UNC13C: variants seen among roughly 807,000 people sequenced by gnomAD.
UNC13C encodes the protein unc-13 homolog C, also known as protein unc-13 homolog C.
In UNC13C, 174 loss-of-function variants were observed where a neutral mutation model predicts 245.4. That is an observed-to-expected ratio of 0.71 (90% CI 0.63 to 0.80). The LOEUF is 0.80. UNC13C is among the 30% of genes least tolerant of loss of function. The probability of loss-of-function intolerance (pLI) is 0.00; values close to 1 mark genes in which losing one functional copy is unlikely to be tolerated. For missense variants in UNC13C, 2,829 were observed against 2,602.9 expected, an observed-to-expected ratio of 1.09 and a Z score of -1.89; for synonymous variants, 992 against 895.1, an observed-to-expected ratio of 1.11 and a Z score of -1.93.
intron 2 of UNC13C, among the ~76,000 whole-genome samples, chr15:54,095,153 C>T (rs1899786498): frequency 6.6e-6 from 1 of 152,186 alleles, no homozygotes; most frequent in Non-Finnish European, 1.5e-5. Flanking sequence ...ACACCATCCA[C>T]CCCAGCAGGC....
intron 17 of UNC13C, among the ~76,000 whole-genome samples, chr15:54,384,637 G>C (rs2039798100): frequency 6.6e-6 from 1 of 151,844 alleles, no homozygotes; most frequent in South Asian, 2.1e-4. Context: ...AAAAGCATAG[G>C]CAACAAAAAC....
rs781522321 is a variant in UNC13C at position 54,393,121 on chromosome 15, T to C, written c.4787T>C (p.Ile1596Thr). Reference sequence around the variant, plus strand: ...AATTTGGATTTTTGGCCCCAACTTATTACACTGATGGTTACTATTATTGAT... The same window carrying C: ...AATTTGGATTTTTGGCCCCAACTTACTACACTGATGGTTACTATTATTGAT... The part of the protein sequence containing the change: ...TKNLDFWPQL[I>T]TLMVTIIDED... The change falls in exon 18 of 33, where the codon ATT becomes ACT. Residue 1596 changes from isoleucine to threonine, a missense_variant. Coordinates refer to ENST00000260323, the MANE Select transcript of UNC13C (RefSeq NM_001080534.3). 6 of 1,611,378 alleles carry C rather than the reference T, an allele frequency of 3.7e-6. No individual in the cohort carries two copies. The highest frequency in any genetic ancestry group is 5.1e-6 in the Non-Finnish European group (6 of 1,178,570).
intron 30 of UNC13C, among the ~76,000 whole-genome samples, chr15:54,588,784 A>T (rs963997572): frequency 2.0e-5 from 3 of 152,104 alleles, no homozygotes; most frequent in Non-Finnish European, 4.4e-5. Context: ...ATAGTCACCA[A>T]TCTCATCTAG....
chr15:54,544,357 G>C (rs1044700119), intron 26 of UNC13C, among the ~76,000 whole-genome samples: 5 of 152,042 alleles, frequency 3.3e-5, no homozygotes, highest in African/African-American at 1.2e-4. Context: ...ATGGGCAAAA[G>C]CTGGAAGCAT....
In UNC13C at chr15:54,623,853, A is replaced by G. The variant is rs774205259; in HGVS notation, c.6258A>G (p.Glu2086=). 4.3e-6 allele frequency: 7 copies of G among 1,613,050 alleles called. No individual in the cohort carries two copies. The African/African-American group carries it at 9.4e-5, about 22-fold the overall frequency. ...QTTAMFRPFV[E]VCILGPNLGD... is the part of the protein sequence containing the mutation. ...CAGCAATGTTCCGCCCCTTTGTGGA[A>G]GTTTGTATACTGGGACCCAACCTTG... Residue 2086 remains glutamate (E), a synonymous_variant, in exon 32 of 33, where the codon GAA becomes GAG. Coordinates refer to ENST00000260323, the MANE Select transcript of UNC13C (RefSeq NM_001080534.3).
intron 2 of UNC13C, among the ~76,000 whole-genome samples, chr15:54,141,680 G>C (rs959307007): frequency 1.3e-5 from 2 of 151,896 alleles, no homozygotes; most frequent in Non-Finnish European, 2.9e-5. Context: ...CAATTTTCTT[G>C]AATATGGTAT....
intron 19 of UNC13C, among the ~76,000 whole-genome samples, chr15:54,420,748 G>A (rs1315916335): frequency 6.6e-6 from 1 of 151,832 alleles, no homozygotes; most frequent in Non-Finnish European, 1.5e-5. Context: ...AAAATGAGGT[G>A]AGCAAGAAAT....
At chr15:54,187,216 C>T (rs1237535682) in intron 4 of UNC13C, among the ~76,000 whole-genome samples, 1 of 152,052 alleles carries the variant, frequency 6.6e-6, no homozygotes, top group African/African-American at 2.4e-5. Flanking sequence ...TCTCCTGAAT[C>T]TCTCCTCTTC....
chr15:54,013,781 C>G lies in UNC13C; in HGVS notation c.878C>G (p.Thr293Arg). The G allele has an allele frequency of 6.2e-7, 1 of 1,610,934 alleles. No individual in the cohort carries two copies. Among genetic ancestry groups the G allele is most frequent in the East Asian group, 2.2e-5 (1 of 44,844 alleles). Residue 293 changes from threonine to arginine, a missense_variant, in exon 2 of 33, where the codon ACA (threonine) becomes AGA (arginine). Thr to Arg is a moderately conservative substitution (Grantham distance 71). Transcript: ENST00000260323. The stretch of plus-strand genomic sequence containing the variant: ...CAAAGTGAAATTGAGCAGTTGCGCA[C>G]AGGGTTTGTCCAGTCTCGGAGGGAA... ...VVQSEIEQLR[T>R]GFVQSRRETR... is the part of the protein sequence containing the mutation.
intron 4 of UNC13C, among the ~76,000 whole-genome samples, chr15:54,153,636 TG>T (rs1193436166): frequency 6.6e-6 from 1 of 152,128 alleles, no homozygotes; most frequent in African/African-American, 2.4e-5. Flanking sequence ...AATATTGTAC[TG>T]TACACTTACA....
At chr15:54,431,102 T>C (rs142041128) in intron 19 of UNC13C, among the ~76,000 whole-genome samples, 172 of 151,920 alleles carry the variant, frequency 1.1e-3, no homozygotes, top group African/African-American at 3.9e-3. Context: ...TAATTATTGC[T>C]GACGGAGTAC....
chr15:54,025,378 T>A (rs555040858), intron 2 of UNC13C, among the ~76,000 whole-genome samples: 162 of 152,354 alleles, frequency 1.1e-3, no homozygotes, highest in African/African-American at 3.8e-3. Flanking sequence ...GTAACATTTA[T>A]TAATTCCTTT....
chr15:54,549,785 G>T (rs1896653733), intron 28 of UNC13C, 94 bp downstream of exon 28: 3 of 770,138 alleles, frequency 3.9e-6, no homozygotes, highest in Admixed American at 5.3e-5. Flanking sequence ...ATCTAGCATG[G>T]CAGGATTAAG....
At chr15:54,057,236 C>G (rs937169774) in intron 2 of UNC13C, among the ~76,000 whole-genome samples, 2 of 150,448 alleles carry the variant, frequency 1.3e-5, no homozygotes, top group African/African-American at 4.9e-5. Context: ...CAGAGACACA[C>G]ATAGGCTCAA....
chr15:53,843,523 A>T, the UNC13C span, among the ~76,000 whole-genome samples: 1 of 151,628 alleles, frequency 6.6e-6, no homozygotes, highest in Admixed American at 6.6e-5. Context: ...TGTGTGTTTT[A>T]CTTATTTTTT....
chr15:54,540,304 A>T (rs1896186743), intron 26 of UNC13C, among the ~76,000 whole-genome samples: 1 of 152,092 alleles, frequency 6.6e-6, no homozygotes, highest in African/African-American at 2.4e-5. Context: ...CAGGCATTCC[A>T]AGGGGAGGGA....
At chr15:54,265,181 T>G (rs2036521903) in intron 9 of UNC13C, among the ~76,000 whole-genome samples, 174 bp from the exon 10 acceptor site, 1 of 151,978 alleles carries the variant, frequency 6.6e-6, no homozygotes, top group Admixed American at 6.6e-5. Context: ...ATTTTAATGT[T>G]GTATATTTAT....
the UNC13C span, among the ~76,000 whole-genome samples, chr15:53,903,732 G>A: frequency 5.9e-5 from 9 of 152,152 alleles, no homozygotes; most frequent in Non-Finnish European, 1.3e-4. Flanking sequence ...CGGAAAATTG[G>A]AGGTCGAAGG....
chr15:54,352,183 C>T (rs2038997227), intron 17 of UNC13C, among the ~76,000 whole-genome samples: 1 of 150,908 alleles, frequency 6.6e-6, no homozygotes, highest in Admixed American at 6.6e-5. Flanking sequence ...TTTTTAATTG[C>T]TATTTTCAGC....
Sources: allele counts gnomAD v4.1 joint callset (sites outside exome capture counted in the v4.1 genomes callset), GRCh38; gene constraint gnomAD v4.1.1; transcripts MANE v1.5; gene names NCBI Gene and HGNC (gene_info 2026-07-23, HGNC 2026-07-21).